KIAA1217: variants seen among roughly 807,000 people sequenced by gnomAD.
KIAA1217 encodes sickle tail protein homolog.
KIAA1217 carries 88 observed loss-of-function variants against 163.9 expected under a neutral mutation model. That is an observed-to-expected ratio of 0.54 (90% CI 0.45 to 0.64). The LOEUF (loss-of-function observed/expected upper bound fraction) is 0.64. Among genes scored for constraint, KIAA1217 ranks in the 30% least tolerant of loss-of-function variants. The probability of loss-of-function intolerance (pLI) is 0.00; values close to 1 mark genes in which losing one functional copy is unlikely to be tolerated. For synonymous variants in KIAA1217, 903 were observed against 923.1 expected (o/e 0.98, Z 0.39); for missense variants, 2,372 against 2,475.0 (o/e 0.96, Z 0.88).
chr10:23,985,216 G>A (rs1411785816), intron 1 of KIAA1217, among the ~76,000 whole-genome samples: 3 of 152,160 alleles, frequency 2.0e-5, no homozygotes, highest in Non-Finnish European at 4.4e-5. Flanking sequence ...GATATACAAT[G>A]CCCTTTAGTA....
chr10:23,795,703 C>T (rs1354373697), intron 1 of KIAA1217, among the ~76,000 whole-genome samples: 1 of 152,186 alleles, frequency 6.6e-6, no homozygotes, highest in Non-Finnish European at 1.5e-5. Flanking sequence ...AGGCATGACT[C>T]TCTTCGGGCC....
intron 1 of KIAA1217, among the ~76,000 whole-genome samples, chr10:23,881,090 G>C (rs1228239961): frequency 6.6e-6 from 1 of 151,258 alleles, no homozygotes; most frequent in Non-Finnish European, 1.5e-5. Flanking sequence ...TGGAGGTCTG[G>C]AGTAGATAAA....
At chr10:24,157,018 G>T (rs1011318177) in intron 2 of KIAA1217, among the ~76,000 whole-genome samples, 7 of 152,216 alleles carry the variant, frequency 4.6e-5, no homozygotes, top group Non-Finnish European at 8.8e-5. Context: ...CATTTTTCTT[G>T]AATAAATCCT....
Position 23,969,146 on chromosome 10 carries a change from C to G in KIAA1217, c.-320-38079C>G, listed in dbSNP as rs143667854. On this transcript the variant is annotated intron_variant, in intron 1 of 18. Coordinates refer to the KIAA1217 transcript ENST00000376462. ...GCCTCCCAGGTTCAAGCGATTCCCC[C>G]ACCTCAGCCTCCCAAGTAGCTGGGA... 7.8e-4 allele frequency among the ~76,000 whole-genome samples: 119 copies of G among 152,198 alleles called. 2 individuals are homozygous for G. The highest frequency in any genetic ancestry group is 3.4e-3 in the Middle Eastern group (1 of 294).
intron 3 of KIAA1217, among the ~76,000 whole-genome samples, chr10:24,393,380 C>G (rs1268683481): frequency 6.6e-6 from 1 of 152,120 alleles, no homozygotes; most frequent in East Asian, 1.9e-4. Context: ...TAAGCAGGCC[C>G]CTGTCTGGAG....
In KIAA1217 at chr10:24,108,922, C is replaced by G. The variant is rs962636305; in HGVS notation, c.-171+101548C>G. Among the ~76,000 whole-genome samples the G allele has an allele frequency of 4.6e-5, 7 of 152,150 alleles. No individual in the cohort carries two copies. The East Asian group carries it at 1.3e-3, about 29-fold the overall frequency. On this transcript the variant is annotated intron_variant, in intron 2 of 18. Coordinates refer to the KIAA1217 transcript ENST00000376462. Reference sequence around the variant, plus strand: ...TATCGGCTCACTGCAACCTCCGCCTCCCAGGATCAAGCGATTCTTCTGCCT... The same window carrying G: ...TATCGGCTCACTGCAACCTCCGCCTGCCAGGATCAAGCGATTCTTCTGCCT...
chr10:23,813,686 C>T (rs1837180555), intron 1 of KIAA1217, among the ~76,000 whole-genome samples: 1 of 152,092 alleles, frequency 6.6e-6, no homozygotes, highest in South Asian at 2.1e-4. Context: ...GGCTAAAACA[C>T]ATGTGTAAAT....
At chr10:23,824,651 TA>T (rs1202271522) in intron 1 of KIAA1217, among the ~76,000 whole-genome samples, 10 of 72,394 alleles carry the variant, frequency 1.4e-4, no homozygotes, top group African/African-American at 3.8e-4. Context: ...AAAAAAAAAA[TA>T]AAAAAAATAT....
At chr10:23,891,266 T>G (rs1841405797) in intron 1 of KIAA1217, among the ~76,000 whole-genome samples, 1 of 152,014 alleles carries the variant, frequency 6.6e-6, no homozygotes, top group Non-Finnish European at 1.5e-5. Flanking sequence ...TTAAGATACA[T>G]CTTGCTATTT....
intron 2 of KIAA1217, among the ~76,000 whole-genome samples, chr10:24,304,530 C>T (rs918082858): frequency 4.6e-5 from 7 of 151,776 alleles, no homozygotes; most frequent in South Asian, 2.1e-4. Flanking sequence ...TTTATAGGGA[C>T]GGGGTCTCGT....
intron 1 of KIAA1217, among the ~76,000 whole-genome samples, chr10:23,858,088 C>G (rs1226267236): frequency 6.6e-6 from 1 of 151,826 alleles, no homozygotes; most frequent in Non-Finnish European, 1.5e-5. Context: ...TAGAATACAG[C>G]AGGAAAGAGG....
intron 2 of KIAA1217, among the ~76,000 whole-genome samples, chr10:24,034,988 T>C (rs1260266767): frequency 6.6e-6 from 1 of 152,220 alleles, no homozygotes; most frequent in Non-Finnish European, 1.5e-5. Flanking sequence ...ACAGAGGCAC[T>C]CTTCCCAGGT....
chr10:24,441,111 C>T lies in KIAA1217; in HGVS notation c.846+2632C>T, dbSNP rs142967367. Among the ~76,000 whole-genome samples, 420 of 152,310 alleles carry T rather than the reference C, an allele frequency of 2.8e-3. 3 individuals are homozygous for T. The highest frequency in any genetic ancestry group is 9.6e-3 in the African/African-American group (401 of 41,564). ...GCATCAATTGTTGTAGACTAAACCA[C>T]GCTGCAGCGTGGGGTTAGGGAACTC... On this transcript the variant is annotated intron_variant, in intron 5 of 20. Transcript: ENST00000376454.
intron 2 of KIAA1217, among the ~76,000 whole-genome samples, chr10:24,017,842 A>G (rs530960303): frequency 1.2e-3 from 178 of 152,248 alleles, no homozygotes; most frequent in Admixed American, 2.9e-3. Flanking sequence ...AGACATAGCA[A>G]TGTGGAACAA....
At chr10:24,279,680 A>G (rs1027840290) in intron 2 of KIAA1217, among the ~76,000 whole-genome samples, 3 of 152,240 alleles carry the variant, frequency 2.0e-5, no homozygotes, top group Admixed American at 2.0e-4. Context: ...TGGGATTTAT[A>G]TGGAAACTTA....
intron 2 of KIAA1217, among the ~76,000 whole-genome samples, chr10:24,250,462 T>G (rs1285113995): frequency 2.0e-5 from 3 of 151,124 alleles, no homozygotes; most frequent in Non-Finnish European, 4.4e-5. Flanking sequence ...AAATGGGGTC[T>G]CTCTCTGTCA....
chr10:23,702,213 T>C (rs1249393280), intron 1 of KIAA1217, among the ~76,000 whole-genome samples: 2 of 146,548 alleles, frequency 1.4e-5, no homozygotes, highest in Admixed American at 6.7e-5. Flanking sequence ...AGTACAGTTC[T>C]TTAGGGAAGA....
At chr10:24,039,082 G>T (rs1032884858) in intron 2 of KIAA1217, among the ~76,000 whole-genome samples, 3 of 152,034 alleles carry the variant, frequency 2.0e-5, no homozygotes, top group Admixed American at 2.0e-4. Context: ...CCTCTCTTGG[G>T]CATTTTCCAG....
At chr10:24,176,672 G>T (rs1032526763) in intron 2 of KIAA1217, among the ~76,000 whole-genome samples, 2 of 152,248 alleles carry the variant, frequency 1.3e-5, no homozygotes, top group African/African-American at 4.8e-5. Context: ...TTACCTAGTG[G>T]GTCCTACACC....
Sources: gnomAD v4.1 joint callset for allele counts (sites outside exome capture counted in the v4.1 genomes callset) on GRCh38, gnomAD v4.1.1 for gene constraint, MANE v1.5 for transcripts, NCBI Gene and HGNC (gene_info 2026-07-23, HGNC 2026-07-21) for gene names.